NTPCR: variants seen among roughly 807,000 people sequenced by gnomAD.
NTPCR encodes nucleoside-triphosphatase, cancer-related.
A neutral mutation model predicts 19.5 loss-of-function variants in NTPCR; 15 were observed. The ratio of observed to expected loss-of-function variants is 0.77; its 90% CI spans 0.51 to 1.18. The LOEUF is 1.18. NTPCR is among the 50% of genes most tolerant of loss of function. The probability of loss-of-function intolerance (pLI) is 0.00; values close to 1 mark genes in which losing one functional copy is unlikely to be tolerated. For synonymous variants in NTPCR, 90 were observed against 95.8 expected (o/e 0.94, Z 0.36); for missense variants, 206 against 240.4 (o/e 0.86, Z 0.95).
At chr1:232,975,255 T>C (rs940017383) in intron 4 of NTPCR, among the ~76,000 whole-genome samples, 2 of 152,322 alleles carry the variant, frequency 1.3e-5, no homozygotes, top group Middle Eastern at 3.4e-3. Flanking sequence ...ATATGATCAG[T>C]GTCTGTATGC....
intron 3 of NTPCR, 142 bp from the exon 4 acceptor site, chr1:232,969,767 G>A: frequency 1.5e-6 from 1 of 656,376 alleles, no homozygotes; most frequent in Non-Finnish European, 2.7e-6. Context: ...GCGGTGGTCT[G>A]TGGGATGCTG....
rs1668935656 is a variant in NTPCR at position 232,970,128 on chromosome 1, G to C, written c.504+10G>C. On this transcript the variant is annotated intron_variant, in intron 4 of 4. Coordinates refer to ENST00000366628, the MANE Select transcript of NTPCR (RefSeq NM_032324.3). ...TGTGAAGGTGTTTAATGTGAGTACA[G>C]CCAGTCCTCCATAATCAGTGGAAAT... The C allele has an allele frequency of 1.2e-6, 2 of 1,601,562 alleles. No individual in the cohort carries two copies. The highest frequency in any genetic ancestry group is 1.7e-6 in the Non-Finnish European group (2 of 1,169,682).
In NTPCR at chr1:232,950,720, C is replaced by G; in HGVS notation, c.10C>G (p.His4Asp). Residue 4 changes from histidine (H) to aspartate (D), a missense_variant, in exon 1 of 5, where the codon CAC becomes GAC. Coordinates refer to ENST00000366628, the MANE Select transcript of NTPCR (RefSeq NM_032324.3). ...ACCCCCGCCCACCAGTATGGCCCGG[C>G]ACGTGTTCCTAACGGGGCCCCCAGG... MARHVFLTGPPGVG... is the reference protein window; with the variant it reads MARDVFLTGPPGVG... 2 of 1,604,660 alleles carry G rather than the reference C, an allele frequency of 1.2e-6. No homozygotes were observed. The highest frequency in any genetic ancestry group is 1.1e-5 in the South Asian group (1 of 90,434).
In NTPCR at chr1:232,981,244, A is replaced by G. The variant is rs560323365; in HGVS notation, c.*3013A>G. 28 of 152,352 alleles carry G rather than the reference A, an allele frequency of 1.8e-4. No individual in the cohort carries two copies. Among genetic ancestry groups the G allele is most frequent in the African/African-American group, 6.0e-4 (25 of 41,588 alleles). 9.4% of individuals were successfully genotyped at this position (152,352 alleles called of 1,614,324 possible). On this transcript the variant is annotated 3_prime_UTR_variant, in exon 5 of 5. Coordinates refer to ENST00000366628, the MANE Select transcript of NTPCR (RefSeq NM_032324.3). Reference sequence around the variant, plus strand: ...ATGGATAGTGTCATCTCTGATGATCAGCCTTGACAGGGAGAGATCCTAGTA... The same window carrying G: ...ATGGATAGTGTCATCTCTGATGATCGGCCTTGACAGGGAGAGATCCTAGTA...
At chr1:232,959,157 G>T (rs1376953292) in intron 3 of NTPCR, among the ~76,000 whole-genome samples, 2 of 152,140 alleles carry the variant, frequency 1.3e-5, no homozygotes, top group Non-Finnish European at 2.9e-5. Flanking sequence ...TGGAGGGAGA[G>T]ACCTGAAGGG....
chr1:232,963,867 GTT>G (rs1491186563), intron 3 of NTPCR: 162 of 151,680 alleles, frequency 1.1e-3, no homozygotes, highest in Non-Finnish European at 1.6e-3. Context: ...GTGTGTGTGT[GTT>G]TGTGTGTGTG....
At position 232,980,712 on chromosome 1, in the gene NTPCR, G is replaced by A. The variant is rs72759989; in HGVS notation, c.*2481G>A. Reference sequence around the variant, plus strand: ...ACACAGCCTGTAGCAACAGTGTCATGCTGAGATTTAAAGGAAGAAGAGGTG... The same window carrying A: ...ACACAGCCTGTAGCAACAGTGTCATACTGAGATTTAAAGGAAGAAGAGGTG... On this transcript the variant is annotated 3_prime_UTR_variant, in exon 5 of 5. Transcript: ENST00000366628. 32,577 of 152,032 alleles carry A rather than the reference G, an allele frequency of 0.21. 3,471 individuals carry two copies. The highest frequency in any genetic ancestry group is 0.24 in the African/African-American group (9,888 of 41,438). 9.4% of individuals were successfully genotyped at this position (152,032 alleles called of 1,614,324 possible).
chr1:232,978,413 G>A lies in NTPCR; in HGVS notation c.*182G>A, dbSNP rs1449111950. 5.3e-6 allele frequency: 3 copies of A among 566,134 alleles called. No homozygotes were observed. The highest frequency in any genetic ancestry group is 9.4e-6 in the Non-Finnish European group (3 of 317,918). 35.1% of individuals were successfully genotyped at this position (566,134 alleles called of 1,614,324 possible). A position where few individuals can be genotyped will look rare whatever the true frequency, so the allele number is the denominator to read the frequency against. The stretch of plus-strand genomic sequence containing the variant: ...ATCAAATTAGCCTTAATGCTGGATT[G>A]TCTGTACAAGATTAACTATCCATTG... On this transcript the variant is annotated 3_prime_UTR_variant, in exon 5 of 5. Coordinates refer to ENST00000366628, the MANE Select transcript of NTPCR (RefSeq NM_032324.3).
chr1:232,953,709 A>AT (rs993027546), intron 1 of NTPCR, among the ~76,000 whole-genome samples: 54 of 150,162 alleles, frequency 3.6e-4, no homozygotes, highest in South Asian at 2.3e-3. Context: ...TCTTCTTGAC[A>AT]TTTTTTTTTT....
rs1233535111 is a variant in NTPCR at position 232,983,504 on chromosome 1, G to T, written c.*5273G>T. 6.6e-6 allele frequency: 1 copy of T among 152,250 alleles called. No individual in the cohort carries two copies. Among genetic ancestry groups the T allele is most frequent in the East Asian group, 1.9e-4 (1 of 5,198 alleles). The allele number at this position is 152,250 out of a possible 1,614,324, so 9.4% of individuals were successfully genotyped here. A position where few individuals can be genotyped will look rare whatever the true frequency, so the allele number is the denominator to read the frequency against. On this transcript the variant is annotated 3_prime_UTR_variant, in exon 5 of 5. Transcript: ENST00000366628. ...TTGTGTGCACAGTAAGGGTTGCGGG[G>T]CTTGGAGAACAAGCACGCGTCCCTG...
At chr1:232,964,031 T>C (rs1668742812) in intron 3 of NTPCR, 1 of 152,218 alleles carries the variant, frequency 6.6e-6, no homozygotes, top group Admixed American at 6.5e-5. Context: ...AAATCTTACA[T>C]TGAAAAAATA....
chr1:232,958,141 T>C (rs1016733335), intron 3 of NTPCR, among the ~76,000 whole-genome samples: 1 of 152,192 alleles, frequency 6.6e-6, no homozygotes, highest in Non-Finnish European at 1.5e-5. Flanking sequence ...GACTTACTAC[T>C]TTGATTTGTG....
intron 4 of NTPCR, chr1:232,976,171 T>G: frequency 1.6e-6 from 1 of 634,716 alleles, no homozygotes; most frequent in Non-Finnish European, 2.3e-6. Context: ...ATAATGTACA[T>G]ATTTATGGGG....
At chr1:232,956,286 C>G (rs1668509090) in intron 2 of NTPCR, 61 bp from the exon 3 acceptor site, 3 of 1,229,990 alleles carry the variant, frequency 2.4e-6, no homozygotes, top group Non-Finnish European at 2.4e-6. Flanking sequence ...AGTGGAGCAG[C>G]TAAAAACCAG....
chr1:232,956,170 G>T (rs77079400), intron 2 of NTPCR, among the ~76,000 whole-genome samples, 177 bp from the exon 3 acceptor site: 5,538 of 152,144 alleles, frequency 0.036, 319 homozygotes, highest in African/African-American at 0.13. Context: ...TTTGAACAGG[G>T]TAGCTCTGTT....
At position 232,978,198 on chromosome 1, in the gene NTPCR, T is replaced by C. The variant is rs1330435493; in HGVS notation, c.540T>C (p.Asp180=). 1.2e-6 allele frequency: 2 copies of C among 1,614,078 alleles called. No homozygotes were observed. Among genetic ancestry groups the C allele is most frequent in the African/African-American group, 2.7e-5 (2 of 74,938 alleles). Reference sequence around the variant, plus strand: ...AAAACAGAAACCACCTTCTGCCAGATATCGTGACGTGCGTGCAGAGCAGCA... The same window carrying C: ...AAAACAGAAACCACCTTCTGCCAGACATCGTGACGTGCGTGCAGAGCAGCA... ...TKENRNHLLP[D]IVTCVQSSRK The change falls in exon 5 of 5, where the codon GAT becomes GAC. Residue 180 remains aspartate, a synonymous_variant. Coordinates refer to ENST00000366628, the MANE Select transcript of NTPCR (RefSeq NM_032324.3).
At chr1:232,970,962 CAT>C (rs1180895661) in intron 4 of NTPCR, among the ~76,000 whole-genome samples, 1 of 152,202 alleles carries the variant, frequency 6.6e-6, no homozygotes, top group Non-Finnish European at 1.5e-5. Context: ...GGCAAGTTCT[CAT>C]GTGGTTTTTA....
intron 3 of NTPCR, chr1:232,968,555 C>G (rs568975852): frequency 6.6e-6 from 1 of 152,310 alleles, no homozygotes; most frequent in South Asian, 2.1e-4. Context: ...AAGATTCCCA[C>G]CTCTGTGTGT....
chr1:232,970,805 C>T (rs987386525), intron 4 of NTPCR, among the ~76,000 whole-genome samples: 6 of 152,192 alleles, frequency 3.9e-5, no homozygotes, highest in African/African-American at 9.7e-5. Flanking sequence ...TCTGTGGTCT[C>T]GTGTGGCTGC....
Sources: gnomAD v4.1 joint callset for allele counts (sites outside exome capture counted in the v4.1 genomes callset) on GRCh38, gnomAD v4.1.1 for gene constraint, MANE v1.5 for transcripts, NCBI Gene and HGNC (gene_info 2026-07-23, HGNC 2026-07-21) for gene names.